IDI1: variants seen among roughly 807,000 people sequenced by gnomAD.
IDI1 encodes isopentenyl-diphosphate Delta-isomerase 1.
IDI1 carries 23 observed loss-of-function variants against 32.9 expected under a neutral mutation model. The ratio of observed to expected loss-of-function variants is 0.70; its 90% CI spans 0.50 to 0.99. The LOEUF is 0.99. Among genes scored for constraint, IDI1 ranks in the 50% least tolerant of loss-of-function variants. The pLI is 0.00. For missense variants in IDI1, 326 were observed against 351.9 expected (o/e 0.93, Z 0.59); for synonymous variants, 133 against 128.2 (o/e 1.04, Z -0.25).
chr10:1,043,185 T>A, intron 3 of IDI1, 116 bp downstream of exon 3: 1 of 668,262 alleles, frequency 1.5e-6, no homozygotes, highest in South Asian at 1.8e-5. Context: ...TTATGCAGAA[T>A]ATAAAATTAT....
intron 1 of IDI1, among the ~76,000 whole-genome samples, chr10:1,044,769 G>T (rs1264652785): frequency 6.6e-6 from 1 of 152,164 alleles, no homozygotes; most frequent in Non-Finnish European, 1.5e-5. Flanking sequence ...TATGAGTTTT[G>T]TCAATTTCCC....
rs149253949 is a variant in IDI1 at position 1,043,352 on chromosome 10, C to T, written c.355G>A (p.Glu119Lys). Residue 119 changes from glutamate to lysine, a missense_variant, in exon 3 of 5, where the codon GAA (glutamate) becomes AAA (lysine). This residue lies in a region of IDI1 where 205 missense variants were observed against 273.5 expected (regional missense o/e 0.75). Coordinates refer to ENST00000381344, the MANE Select transcript of IDI1 (RefSeq NM_004508.4). Reference sequence around the variant, plus strand: ...CTTTGCTGTAGCAGAAGCTTATTTTCGGTGTTGAATAAGAAGACACTAAAA... The same window carrying T: ...CTTTGCTGTAGCAGAAGCTTATTTTTGGTGTTGAATAAGAAGACACTAAAA... Reference protein sequence around the residue: ...RAFSVFLFNTENKLLLQQRSD... With the variant: ...RAFSVFLFNTKNKLLLQQRSD... 2.5e-5 allele frequency: 41 copies of T among 1,610,968 alleles called. No homozygotes were observed. The highest frequency in any genetic ancestry group is 1.6e-4 in the African/African-American group (12 of 74,846).
rs1589049619 is a variant in IDI1 at position 1,042,447 on chromosome 10, T to A, written c.537+185A>T. On this transcript the variant is annotated intron_variant, in intron 4 of 4. Coordinates refer to ENST00000381344, the MANE Select transcript of IDI1 (RefSeq NM_004508.4). ...AATCCATCCCCGTATTGAGCTAAGT[T>A]TTGACAAGTGATATTAAGAAATTAA... The A allele has an allele frequency of 5.0e-6, 3 of 598,960 alleles. No individual in the cohort carries two copies. The East Asian group carries it at 9.9e-5, about 20-fold the overall frequency. 37.1% of individuals were successfully genotyped at this position (598,960 alleles called of 1,614,324 possible). A position where few individuals can be genotyped will look rare whatever the true frequency, so the allele number is the denominator to read the frequency against.
chr10:1,042,287 T>C (rs528548993), intron 4 of IDI1, among the ~76,000 whole-genome samples: 2 of 152,266 alleles, frequency 1.3e-5, no homozygotes, highest in Admixed American at 6.5e-5. Flanking sequence ...TCACCTTTTT[T>C]GTAGGTGGGG....
At chr10:1,056,657 A>AG in the IDI1 span, 1 of 152,320 alleles carries the variant, frequency 6.6e-6, no homozygotes, top group South Asian at 2.1e-4. Context: ...CAGCAGCCGA[A>AG]GGGGTCTTCA....
At chr10:1,049,192 C>T, upstream of IDI1, 2 of 988,034 alleles carry the variant, frequency 2.0e-6, no homozygotes, top group South Asian at 1.9e-5. Context: ...GAGGCAGCGT[C>T]CCGCGACTGG....
At chr10:1,046,540 ACC>A (rs1491557352) in intron 1 of IDI1, among the ~76,000 whole-genome samples, 2 of 117,774 alleles carry the variant, frequency 1.7e-5, no homozygotes, top group African/African-American at 6.6e-5. Context: ...TCTACACCAC[ACC>A]GCCCAGCTGC....
In IDI1 at chr10:1,039,715, C is replaced by CT. The variant is rs1052296022; in HGVS notation, c.*1471dup. On this transcript the variant is annotated 3_prime_UTR_variant, in exon 5 of 5. Coordinates refer to ENST00000381344, the MANE Select transcript of IDI1 (RefSeq NM_004508.4). ...ACTTAACAAGGTGCTGGGTAGCAGTCTAAGGGTCCCATGTCCAATTCAGTA... is the reference window on the plus strand; with the variant it reads ...ACTTAACAAGGTGCTGGGTAGCAGTCTTAAGGGTCCCATGTCCAATTCAGTA... 1.3e-5 allele frequency: 2 copies of CT among 152,164 alleles called. No homozygotes were observed. Among genetic ancestry groups the CT allele is most frequent in the Admixed American group, 1.3e-4 (2 of 15,282 alleles). 9.4% of individuals were successfully genotyped at this position (152,164 alleles called of 1,614,324 possible).
chr10:1,045,866 GGTGTGTGT>G (rs10598743), intron 1 of IDI1, among the ~76,000 whole-genome samples: 5 of 150,956 alleles, frequency 3.3e-5, no homozygotes, highest in Admixed American at 6.6e-5. Context: ...ATAGGGTCTG[GGTGTGTGT>G]GTGTGTGTGT....
intron 3 of IDI1, 69 bp downstream of exon 3, chr10:1,043,227 GCTCCA>G: frequency 1.1e-6 from 1 of 908,488 alleles, no homozygotes; most frequent in South Asian, 1.4e-5. Context: ...TGTGACCTTG[GCTCCA>G]AGAATTCAGA....
chr10:1,043,839 G>A, intron 2 of IDI1, 160 bp downstream of exon 2: 2 of 672,652 alleles, frequency 3.0e-6, no homozygotes, highest in Non-Finnish European at 5.3e-6. Context: ...CAGGAAGACA[G>A]CAAAGCAGAT....
At chr10:1,056,497 C>G in the IDI1 span, 1 of 152,122 alleles carries the variant, frequency 6.6e-6, no homozygotes, top group African/African-American at 2.4e-5. Flanking sequence ...CGGACCGCGC[C>G]CCGGGCTCGC....
Position 1,042,655 on chromosome 10 carries a change from C to T in IDI1, c.514G>A (p.Glu172Lys). 1.9e-6 allele frequency: 3 copies of T among 1,613,998 alleles called. No homozygotes were observed. The highest frequency in any genetic ancestry group is 2.5e-6 in the Non-Finnish European group (3 of 1,179,966). ...ACCTCTTCCAAGGGAATTCCTAGCT[C>T]AGCTTTCAGCCGTCTCTGTGCTGCT... ...RRAAQRRLKA[E>K]LGIPLEEVPP... Residue 172 changes from glutamate to lysine, a missense_variant, in exon 4 of 5, where the codon GAG becomes AAG. Physicochemically the swap from Glu to Lys is moderately conservative, Grantham distance 56 (BLOSUM62 1). Coordinates refer to ENST00000381344, the MANE Select transcript of IDI1 (RefSeq NM_004508.4).
At chr10:1,045,255 G>A (rs7075141) in intron 1 of IDI1, among the ~76,000 whole-genome samples, 100,354 of 152,230 alleles carry the variant, frequency 0.66, 33,802 homozygotes, top group East Asian at 0.83. Flanking sequence ...TTACATATCT[G>A]TATCCAGCAG....
At chr10:1,052,486 T>C (rs184920178), upstream of IDI1, among the ~76,000 whole-genome samples, 112 of 152,352 alleles carry the variant, frequency 7.4e-4, 1 homozygote, top group Admixed American at 3.4e-3. Context: ...AAAAGGGATG[T>C]TGTGTTAGCA....
chr10:1,049,057 C>G lies in IDI1; in HGVS notation c.-54G>C. The G allele has an allele frequency of 6.9e-7, 1 of 1,445,382 alleles. No individual in the cohort carries two copies. Among genetic ancestry groups the G allele is most frequent in the Non-Finnish European group, 9.0e-7 (1 of 1,107,638 alleles). 89.5% of individuals were successfully genotyped at this position (1,445,382 alleles called of 1,614,324 possible). On this transcript the variant is annotated 5_prime_UTR_variant, in exon 1 of 5. Transcript: ENST00000381344. ...TTGACGACACAATCTCGCCAAGCTT[C>G]GCCTGGTGGTGCCACCTCCCTGGCC...
chr10:1,052,027 C>T (rs1039035904), upstream of IDI1, among the ~76,000 whole-genome samples: 2 of 152,180 alleles, frequency 1.3e-5, no homozygotes, highest in African/African-American at 2.4e-5. Flanking sequence ...CGTGTGCCAC[C>T]ATGCCCGGCT....
intron 2 of IDI1, 47 bp downstream of exon 2, chr10:1,043,952 A>G: frequency 6.6e-7 from 1 of 1,521,214 alleles, no homozygotes; most frequent in Non-Finnish European, 9.0e-7. Context: ...CAAATCGGAA[A>G]TGCCTACACA....
At chr10:1,042,429 C>A in intron 4 of IDI1, 1 of 541,834 alleles carries the variant, frequency 1.8e-6, no homozygotes. Flanking sequence ...ATCAATCCAT[C>A]CCCGTATTGA....
Sources: gnomAD v4.1 joint callset for allele counts (sites outside exome capture counted in the v4.1 genomes callset) on GRCh38, gnomAD v4.1.1 for gene constraint, gnomAD v4.1.1 regional missense constraint, MANE v1.5 for transcripts, NCBI Gene and HGNC (gene_info 2026-07-23, HGNC 2026-07-21) for gene names.